The following PLD5 variants were observed in gnomAD, a reference collection of about 807,000 sequenced individuals.
PLD5 encodes phospholipase D family member 5, also known as inactive phospholipase D5.
PLD5 carries 36 observed loss-of-function variants against 61.1 expected under a neutral mutation model. The observed-to-expected ratio is 0.59, with a 90% CI of 0.45 to 0.78. The LOEUF (loss-of-function observed/expected upper bound fraction) is 0.78, where lower values mean the gene tolerates loss of function less well. PLD5 is among the 30% of genes least tolerant of loss of function. PLD5 has a pLI of 0.00. For missense variants in PLD5, 515 were observed against 644.4 expected (o/e 0.80, Z 2.17); for synonymous variants, 243 against 242.8 (o/e 1.00, Z -0.01).
chr1:242,165,185 G>C (rs1284696975), intron 5 of PLD5, among the ~76,000 whole-genome samples: 1 of 144,584 alleles, frequency 6.9e-6, no homozygotes, highest in African/African-American at 2.6e-5. Context: ...TTTTACTTAA[G>C]AAAAAAAAAA....
chr1:242,376,136 G>C (rs1661939499), intron 1 of PLD5, among the ~76,000 whole-genome samples: 1 of 152,046 alleles, frequency 6.6e-6, no homozygotes, highest in Non-Finnish European at 1.5e-5. Flanking sequence ...TTCCCTCCTT[G>C]TGCTCTTAAA....
At position 242,398,795 on chromosome 1, in the gene PLD5, A is replaced by T. The variant is rs115334230; in HGVS notation, c.190-50553T>A. On this transcript the variant is annotated intron_variant, in intron 1 of 9. Coordinates refer to ENST00000536534, the MANE Select transcript of PLD5 (RefSeq NM_001372062.1). ...TTCCAGCGTTGCAAAAATGCTAGTT[A>T]TTAAAACGTCAGACTTGAGAGATCT... is the stretch of plus-strand genomic sequence containing the variant. 5.2e-3 allele frequency among the ~76,000 whole-genome samples: 785 copies of T among 152,340 alleles called. 13 individuals are homozygous for T. The highest frequency in any genetic ancestry group is 0.018 in the African/African-American group (761 of 41,574).
intron 1 of PLD5, among the ~76,000 whole-genome samples, chr1:242,353,836 C>T (rs1660605515): frequency 6.6e-6 from 1 of 151,610 alleles, no homozygotes; most frequent in Non-Finnish European, 1.5e-5. Context: ...CTTTCACCTC[C>T]TTGATTAAAT....
Position 242,290,681 on chromosome 1 carries a change from G to A in PLD5, c.327-2151C>T, listed in dbSNP as rs186803847. Among the ~76,000 whole-genome samples, 8 of 152,162 alleles carry A rather than the reference G, an allele frequency of 5.3e-5. No individual in the cohort carries two copies. In the East Asian group the frequency reaches 1.5e-3, roughly 29 times the overall value. On this transcript the variant is annotated intron_variant, in intron 2 of 9. Transcript: ENST00000536534. The stretch of plus-strand genomic sequence containing the variant: ...AAAAAAAGAAGCTTGAATTTGGTCA[G>A]TGAGAATGAAAAGAAGCATGCAGTG...
chr1:242,494,072 TCC>T (rs1335611207), intron 1 of PLD5, among the ~76,000 whole-genome samples: 1 of 102,610 alleles, frequency 9.7e-6, no homozygotes, highest in African/African-American at 3.8e-5. Flanking sequence ...TTCCCTCCAC[TCC>T]CCTCCCCTGC....
At chr1:242,455,789 G>A (rs1338494656) in intron 1 of PLD5, among the ~76,000 whole-genome samples, 1 of 152,216 alleles carries the variant, frequency 6.6e-6, no homozygotes, top group African/African-American at 2.4e-5. Context: ...TGCAGCTACA[G>A]CCATGAGGGA....
intron 4 of PLD5, among the ~76,000 whole-genome samples, chr1:242,254,405 C>T (rs1672898385): frequency 6.6e-6 from 1 of 151,458 alleles, no homozygotes; most frequent in Non-Finnish European, 1.5e-5. Context: ...CGTGGTGGCT[C>T]ACGCCTGTAA....
chr1:242,439,481 G>C (rs6681158), intron 1 of PLD5, among the ~76,000 whole-genome samples: 1 of 152,228 alleles, frequency 6.6e-6, no homozygotes, highest in Non-Finnish European at 1.5e-5. Flanking sequence ...AGGCACTAGC[G>C]GGAAAATGAA....
intron 4 of PLD5, among the ~76,000 whole-genome samples, chr1:242,234,685 G>A (rs1671522636): frequency 6.6e-6 from 1 of 152,142 alleles, no homozygotes; most frequent in African/African-American, 2.4e-5. Flanking sequence ...GGTGGTACAA[G>A]AGTGGCACGT....
chr1:242,456,814 G>A (rs1666957599), intron 1 of PLD5, among the ~76,000 whole-genome samples: 1 of 152,334 alleles, frequency 6.6e-6, no homozygotes, highest in East Asian at 1.9e-4. Context: ...CTGGAGTCCA[G>A]AAGCAGCTTT....
intron 5 of PLD5, among the ~76,000 whole-genome samples, chr1:242,133,466 T>A (rs928362191): frequency 6.6e-6 from 1 of 152,218 alleles, no homozygotes; most frequent in African/African-American, 2.4e-5. Flanking sequence ...TTTCTTTCAT[T>A]GCTTTGTTTG....
chr1:242,341,522 A>C (rs1659831087), intron 2 of PLD5, among the ~76,000 whole-genome samples: 1 of 102,664 alleles, frequency 9.7e-6, no homozygotes, highest in Admixed American at 1.1e-4. Flanking sequence ...TTTAATAGAG[A>C]AACTTGAAAA....
chr1:242,268,213 G>T (rs1393409304), intron 3 of PLD5, among the ~76,000 whole-genome samples: 2 of 152,258 alleles, frequency 1.3e-5, no homozygotes, highest in African/African-American at 2.4e-5. Context: ...GGTGATGTGT[G>T]CATGGCCCAG....
chr1:242,185,100 A>G (rs1241127900), intron 5 of PLD5, among the ~76,000 whole-genome samples: 2 of 152,162 alleles, frequency 1.3e-5, no homozygotes, highest in Admixed American at 6.5e-5. Context: ...CTGGCTGCCT[A>G]TGTTTATGGC....
chr1:242,101,417 G>A (rs1472298661), intron 8 of PLD5, among the ~76,000 whole-genome samples: 1 of 152,210 alleles, frequency 6.6e-6, no homozygotes, highest in Non-Finnish European at 1.5e-5. Flanking sequence ...GCAGCTGAAA[G>A]AAGGGGGATG....
intron 2 of PLD5, among the ~76,000 whole-genome samples, chr1:242,344,761 T>C (rs1456833073): frequency 6.6e-6 from 1 of 151,908 alleles, no homozygotes; most frequent in Non-Finnish European, 1.5e-5. Context: ...CATTTCACTA[T>C]GTCAGGCCAC....
chr1:242,138,981 G>A (rs542046296), intron 5 of PLD5, among the ~76,000 whole-genome samples: 3 of 152,158 alleles, frequency 2.0e-5, no homozygotes, highest in Admixed American at 2.0e-4. Flanking sequence ...AATAAATTTA[G>A]GGTAGGCAGT....
intron 6 of PLD5, among the ~76,000 whole-genome samples, chr1:242,119,942 ACG>A (rs1662237743): frequency 1.3e-5 from 2 of 152,214 alleles, no homozygotes; most frequent in Admixed American, 1.3e-4. Flanking sequence ...CTGTTGACAG[ACG>A]GGTAAACAAA....
chr1:242,467,264 A>T (rs1667305675), intron 1 of PLD5, among the ~76,000 whole-genome samples: 1 of 152,120 alleles, frequency 6.6e-6, no homozygotes, highest in African/African-American at 2.4e-5. Context: ...ACTAAAAGAA[A>T]CTTTGTCTTT....
Sources: gnomAD v4.1 joint callset for allele counts (sites outside exome capture counted in the v4.1 genomes callset) on GRCh38, gnomAD v4.1.1 for gene constraint, MANE v1.5 for transcripts, NCBI Gene and HGNC (gene_info 2026-07-23, HGNC 2026-07-21) for gene names.